Variants in INO80D observed in about 807,000 individuals in gnomAD.
INO80D encodes INO80 complex subunit D.
Under a neutral mutation model 87.6 loss-of-function variants are expected in INO80D, and 21 were observed. That is an observed-to-expected ratio of 0.24 (90% CI 0.17 to 0.35). The LOEUF (loss-of-function observed/expected upper bound fraction) is 0.35. Among genes scored for constraint, INO80D ranks in the 10% least tolerant of loss-of-function variants. INO80D has a pLI of 1.00. For missense variants in INO80D, 982 were observed against 1,280.7 expected (o/e 0.77, Z 3.56); for synonymous variants, 440 against 491.0 (o/e 0.90, Z 1.37).
intron 4 of INO80D, among the ~76,000 whole-genome samples, chr2:206,051,322 T>C (rs1477543799): frequency 2.6e-5 from 4 of 151,938 alleles, no homozygotes; most frequent in South Asian, 2.1e-4. Flanking sequence ...ACTTAAGGGA[T>C]CCTTCCGCCT....
At chr2:206,065,428 C>G (rs941703969) in intron 1 of INO80D, among the ~76,000 whole-genome samples, 16 of 152,022 alleles carry the variant, frequency 1.1e-4, no homozygotes, top group Admixed American at 9.2e-4. Context: ...GAGATCACGC[C>G]ACTGCACTCC....
chr2:206,067,317 G>T (rs892813008), intron 1 of INO80D, among the ~76,000 whole-genome samples: 1 of 151,998 alleles, frequency 6.6e-6, no homozygotes, highest in Non-Finnish European at 1.5e-5. Flanking sequence ...AAAGGTAGGG[G>T]AAAGAAGAGA....
At chr2:206,015,483 G>A (rs750206126) in intron 8 of INO80D, among the ~76,000 whole-genome samples, 18 of 152,230 alleles carry the variant, frequency 1.2e-4, no homozygotes, top group African/African-American at 1.9e-4. Context: ...TTGTTTCAGA[G>A]GGTGGAAGCC....
rs1214079964 is a variant in INO80D, at chr2:205,995,351, GATAA to G, written c.*9013_*9016del. ...AACACAACAATAAAAGGAAAAGGAA[GATAA>G]ATAAATAGTGTGTGGATGTCTTTAG... is the stretch of plus-strand genomic sequence containing the variant. On this transcript the variant is annotated 3_prime_UTR_variant, in exon 11 of 11. Transcript: ENST00000403263. 1 of 152,104 alleles carries G rather than the reference GATAA, an allele frequency of 6.6e-6. No homozygotes were observed. The highest frequency in any genetic ancestry group is 1.5e-5 in the Non-Finnish European group (1 of 67,998). The allele number at this position is 152,104 out of a possible 1,614,324, so 9.4% of individuals were successfully genotyped here.
rs1354392628 is a variant in INO80D, at chr2:206,004,578, A to C, written c.2874T>G (p.Pro958=). ...LPQTSFSGMG[P]SAELMASTSP... is the part of the protein sequence containing the mutation. ...AGGTGGAGGCCATTAGTTCAGCAGA[A>C]GGCCCCATGCCACTGAAGCTGGTCT... The change falls in exon 11 of 11, where the codon CCT becomes CCG. Residue 958 remains proline, a synonymous_variant. Transcript: ENST00000403263. This position sits in a 1 kb window ranked among gnomAD's most constrained non-coding sequence, Gnocchi z 4.9. 1 of 1,611,488 alleles carries C rather than the reference A, an allele frequency of 6.2e-7. No individual in the cohort carries two copies. The highest frequency in any genetic ancestry group is 8.5e-7 in the Non-Finnish European group (1 of 1,178,854).
At chr2:206,047,882 G>A (rs199978513) in intron 4 of INO80D, among the ~76,000 whole-genome samples, 3 of 131,986 alleles carry the variant, frequency 2.3e-5, no homozygotes, top group African/African-American at 2.7e-5. Context: ...ACGGAGTCTC[G>A]CTCTGTCGCC....
intron 5 of INO80D, among the ~76,000 whole-genome samples, chr2:206,032,110 T>A (rs562626594): frequency 6.6e-6 from 1 of 152,222 alleles, no homozygotes; most frequent in Admixed American, 6.5e-5. Flanking sequence ...GCCAGAGGCA[T>A]GGGGAAAATG....
At chr2:206,017,876 A>T (rs1688360573) in intron 7 of INO80D, 63 bp from the exon 8 acceptor site, 1 of 1,479,112 alleles carries the variant, frequency 6.8e-7, no homozygotes, top group Non-Finnish European at 9.2e-7. Flanking sequence ...TTCTATATAA[A>T]ATTTGCTTGT....
intron 8 of INO80D, among the ~76,000 whole-genome samples, chr2:206,010,213 A>G (rs1688135018): frequency 6.6e-6 from 1 of 152,202 alleles, no homozygotes; most frequent in Admixed American, 6.5e-5. Flanking sequence ...GCAGGGCATA[A>G]AATTAATATT....
At chr2:206,010,062 T>TACACACACAC (rs144790541) in intron 8 of INO80D, among the ~76,000 whole-genome samples, 6 of 148,994 alleles carry the variant, frequency 4.0e-5, no homozygotes, top group African/African-American at 7.4e-5. Flanking sequence ...TGACACTGTC[T>TACACACACAC]ACACACACAC....
Position 206,046,581 on chromosome 2 carries a change from T to C in INO80D, c.996A>G (p.Glu332=), listed in dbSNP as rs754430452. Residue 332 remains glutamate, a synonymous_variant, in exon 5 of 11, where the codon GAA becomes GAG. Coordinates refer to ENST00000403263, the MANE Select transcript of INO80D (RefSeq NM_017759.5). Reference sequence around the variant, plus strand: ...GCGAGGCCTGCTCTGAGTCCTCTGGTTCCTCTCCGCTCTCTTCAGACCAGT... The same window carrying C: ...GCGAGGCCTGCTCTGAGTCCTCTGGCTCCTCTCCGCTCTCTTCAGACCAGT... ...GLDWSEESGE[E]PEDSEQASPY... 1.9e-6 allele frequency: 3 copies of C among 1,613,776 alleles called. No individual in the cohort carries two copies. Among genetic ancestry groups the C allele is most frequent in the Non-Finnish European group, 2.5e-6 (3 of 1,179,786 alleles).
chr2:206,060,907 C>T (rs762730762), intron 3 of INO80D, among the ~76,000 whole-genome samples: 2 of 151,956 alleles, frequency 1.3e-5, no homozygotes, highest in Non-Finnish European at 2.9e-5. Context: ...ACATGAAAGT[C>T]CTTTCCCTTA....
chr2:206,017,000 G>A (rs1688336910), intron 8 of INO80D, among the ~76,000 whole-genome samples: 1 of 152,148 alleles, frequency 6.6e-6, no homozygotes, highest in Non-Finnish European at 1.5e-5. Context: ...TAATACACCA[G>A]TGAATCACAC....
chr2:206,071,051 G>A (rs1689951884), intron 1 of INO80D, among the ~76,000 whole-genome samples: 1 of 151,700 alleles, frequency 6.6e-6, no homozygotes, highest in South Asian at 2.1e-4. Context: ...TCCACCTCCT[G>A]GGTTCAAGCG....
At chr2:206,028,384 A>C in intron 5 of INO80D, 49 bp from the exon 6 acceptor site, 35 of 1,417,878 alleles carry the variant, frequency 2.5e-5, no homozygotes, top group Non-Finnish European at 3.3e-5. Context: ...CATTAGGCTC[A>C]TTTTAGACAG....
chr2:206,027,327 T>A (rs1688644675), intron 6 of INO80D, among the ~76,000 whole-genome samples: 1 of 152,144 alleles, frequency 6.6e-6, no homozygotes, highest in African/African-American at 2.4e-5. Flanking sequence ...ACAGAAGGAA[T>A]TTTTTTCTTA....
In INO80D at chr2:206,004,754, G is replaced by T; in HGVS notation, c.2698C>A (p.Pro900Thr). 1.2e-6 allele frequency: 2 copies of T among 1,613,970 alleles called. No homozygotes were observed. Among genetic ancestry groups the T allele is most frequent in the African/African-American group, 1.3e-5 (1 of 75,018 alleles). ...CCGAGAAGGTTGCTAAATGGAGAGG[G>T]GTCTCCAAGGTTGACAGGGAGATTG... ...WGNLPVNLGD[P>T]SPFSNLLGAD... The change falls in exon 11 of 11, where the codon CCC becomes ACC. Residue 900 changes from proline (P) to threonine (T), a missense_variant. Physicochemically the swap from Pro to Thr is conservative, Grantham distance 38. Coordinates refer to ENST00000403263, the MANE Select transcript of INO80D (RefSeq NM_017759.5). The surrounding 1 kb of genome is among the most constrained non-coding windows in gnomAD (Gnocchi z 4.9).
chr2:206,032,059 G>GTCAT (rs2105840744), intron 5 of INO80D, among the ~76,000 whole-genome samples: 1 of 152,296 alleles, frequency 6.6e-6, no homozygotes, highest in African/African-American at 2.4e-5. Flanking sequence ...CCCCAAGCAG[G>GTCAT]TCATTCCTGC....
At chr2:206,073,863 T>C (rs1227837598) in intron 1 of INO80D, among the ~76,000 whole-genome samples, 3 of 152,056 alleles carry the variant, frequency 2.0e-5, no homozygotes, top group Non-Finnish European at 2.9e-5. Context: ...CTAAGCACTA[T>C]CTTTTTTTGT....
Sources: allele counts gnomAD v4.1 joint callset (sites outside exome capture counted in the v4.1 genomes callset), GRCh38; gene constraint gnomAD v4.1.1; non-coding constraint Gnocchi (gnomAD v3.1); transcripts MANE v1.5; gene names NCBI Gene and HGNC (gene_info 2026-07-23, HGNC 2026-07-21).